Variants in TCF12 observed in about 807,000 individuals in gnomAD.
TCF12 encodes the protein DNA-binding protein HTF4.
A neutral mutation model predicts 86.0 loss-of-function variants in TCF12; 45 were observed. That is an observed-to-expected ratio of 0.52 (90% CI 0.41 to 0.67). The LOEUF (loss-of-function observed/expected upper bound fraction) is 0.67. Among genes scored for constraint, TCF12 ranks in the 30% least tolerant of loss-of-function variants. The probability of loss-of-function intolerance (pLI) is 0.00; values close to 1 mark genes in which losing one functional copy is unlikely to be tolerated. For missense variants in TCF12, 881 were observed against 859.9 expected (o/e 1.02, Z -0.31); for synonymous variants, 330 against 299.6 (o/e 1.10, Z -1.05).
At position 57,175,285 on chromosome 15, in the gene TCF12, G is replaced by A. The variant is rs560773674; in HGVS notation, c.390+8819G>A. 2.0e-5 allele frequency among the ~76,000 whole-genome samples: 3 copies of A among 152,248 alleles called. No homozygotes were observed. The South Asian group carries it at 6.2e-4, about 32-fold the overall frequency. The stretch of plus-strand genomic sequence containing the variant: ...ATTGAGGGGTATCACTTGAGCCCAG[G>A]AGTTTGAGGTTACAGTGAGCTGTGA... On this transcript the variant is annotated intron_variant, in intron 6 of 20. Transcript: ENST00000333725.
At chr15:56,941,702 T>A (rs1320152286) in intron 3 of TCF12, among the ~76,000 whole-genome samples, 7 of 151,418 alleles carry the variant, frequency 4.6e-5, no homozygotes, top group Non-Finnish European at 1.0e-4. Flanking sequence ...TTTTTTTTAT[T>A]AGGAATTGAG....
chr15:57,216,792 A>G (rs1339476702), intron 8 of TCF12, among the ~76,000 whole-genome samples: 1 of 152,106 alleles, frequency 6.6e-6, no homozygotes, highest in South Asian at 2.1e-4. Context: ...CATCTACATC[A>G]AACAGTTTTA....
At chr15:57,038,379 G>T (rs1472077235) in intron 3 of TCF12, among the ~76,000 whole-genome samples, 1 of 142,724 alleles carries the variant, frequency 7.0e-6, no homozygotes, top group Non-Finnish European at 1.5e-5. Flanking sequence ...AGTGAGCCAT[G>T]ACCATACCAC....
chr15:57,252,243 C>G (rs1436200868), intron 14 of TCF12, 178 bp from the exon 15 acceptor site: 2 of 535,386 alleles, frequency 3.7e-6, no homozygotes, highest in Middle Eastern at 2.9e-4. Context: ...TAGATGCTAA[C>G]CTTGTAACTT....
chr15:56,965,745 T>G (rs980251207), intron 3 of TCF12, among the ~76,000 whole-genome samples: 5 of 152,166 alleles, frequency 3.3e-5, no homozygotes, highest in Admixed American at 6.5e-5. Flanking sequence ...TTTAGGGATA[T>G]TCCCCATTTG....
chr15:56,923,722 T>G (rs1294857583), intron 3 of TCF12, among the ~76,000 whole-genome samples: 2 of 152,148 alleles, frequency 1.3e-5, no homozygotes, highest in African/African-American at 4.8e-5. Flanking sequence ...TTTGGGTTAG[T>G]TTTTAGTAGA....
intron 5 of TCF12, among the ~76,000 whole-genome samples, chr15:57,146,518 C>T (rs2053374938): frequency 6.6e-6 from 1 of 152,000 alleles, no homozygotes; most frequent in African/African-American, 2.4e-5. Flanking sequence ...AAAAAATATT[C>T]AAATTTATAT....
intron 4 of TCF12, among the ~76,000 whole-genome samples, chr15:57,069,745 C>T (rs559632167): frequency 1.3e-5 from 2 of 152,210 alleles, no homozygotes; most frequent in Admixed American, 1.3e-4. Context: ...TTAGTACTTC[C>T]CAACTCAAAG....
chr15:56,940,662 ATCCTTCTCCCTC>A (rs1310124306), intron 3 of TCF12, among the ~76,000 whole-genome samples: 21 of 68,360 alleles, frequency 3.1e-4, no homozygotes, highest in East Asian at 2.1e-3. Flanking sequence ...TCTCCTCCCT[ATCCTTCTCCCTC>A]TCCTTCTCCC....
chr15:57,196,740 A>G (rs2057284809), intron 7 of TCF12, among the ~76,000 whole-genome samples: 1 of 152,200 alleles, frequency 6.6e-6, no homozygotes, highest in Non-Finnish European at 1.5e-5. Flanking sequence ...AAAGAAATAT[A>G]CTTTCTCTGT....
chr15:57,209,932 CTT>C (rs2058031206), intron 8 of TCF12, among the ~76,000 whole-genome samples: 1 of 152,176 alleles, frequency 6.6e-6, no homozygotes, highest in South Asian at 2.1e-4. Context: ...ATGGAACACA[CTT>C]TCCCTCGTAT....
intron 5 of TCF12, among the ~76,000 whole-genome samples, chr15:57,146,470 T>A (rs1020127357): frequency 9.9e-5 from 15 of 152,216 alleles, no homozygotes; most frequent in African/African-American, 3.6e-4. Context: ...GGATTTTGTC[T>A]TAGGAGAGTT....
chr15:56,930,008 C>T (rs556590130), intron 3 of TCF12, among the ~76,000 whole-genome samples: 2 of 152,260 alleles, frequency 1.3e-5, no homozygotes, highest in Admixed American at 1.3e-4. Flanking sequence ...TGAGCTATTT[C>T]CAGGCTTTAA....
intron 8 of TCF12, among the ~76,000 whole-genome samples, chr15:57,203,859 C>CA (rs1209704062): frequency 6.6e-5 from 10 of 151,948 alleles, no homozygotes; most frequent in Admixed American, 1.3e-4. Context: ...CCTGTCACTG[C>CA]AAAAAAATTA....
rs1336691520 is a variant in TCF12 at position 57,288,901 on chromosome 15, C to G, written c.*2756C>G. 1 of 151,986 alleles carries G rather than the reference C, an allele frequency of 6.6e-6. No individual in the cohort carries two copies. The highest frequency in any genetic ancestry group is 2.4e-5 in the African/African-American group (1 of 41,372). The allele number at this position is 151,986 out of a possible 1,614,324, so 9.4% of individuals were successfully genotyped here. On this transcript the variant is annotated 3_prime_UTR_variant, in exon 21 of 21. Transcript: ENST00000333725. Reference sequence around the variant, plus strand: ...AAGCACTTTTCACATTTCCCCATACCCTTTCTCACAAAAAAAGTGTCATAA... The same window carrying G: ...AAGCACTTTTCACATTTCCCCATACGCTTTCTCACAAAAAAAGTGTCATAA...
chr15:57,040,789 G>A (rs2066847019), intron 3 of TCF12, among the ~76,000 whole-genome samples: 1 of 152,120 alleles, frequency 6.6e-6, no homozygotes, highest in Non-Finnish European at 1.5e-5. Context: ...GTGAAAAATT[G>A]CATTTAGGGT....
chr15:57,252,450 G>T lies in TCF12; in HGVS notation c.1218G>T (p.Glu406Asp), dbSNP rs142952705. Residue 406 changes from glutamate (E) to aspartate (D), a missense_variant, in exon 15 of 21, where the codon GAG becomes GAT. By Grantham distance (45) the Glu-to-Asp change is conservative. Coordinates refer to ENST00000333725, the MANE Select transcript of TCF12 (RefSeq NM_207037.2). The stretch of plus-strand genomic sequence containing the variant: ...ATCGAGTTGAGCAGCAACTTCACGA[G>T]CATTTGCAAGATGCAATGTCCTTCT... ...LKNRVEQQLH[E>D]HLQDAMSFLK... 1 of 1,613,920 alleles carries T rather than the reference G, an allele frequency of 6.2e-7. No homozygotes were observed. Among genetic ancestry groups the T allele is most frequent in the Admixed American group, 1.7e-5 (1 of 60,012 alleles).
chr15:57,122,289 A>G (rs907663022), intron 5 of TCF12, among the ~76,000 whole-genome samples: 27 of 152,020 alleles, frequency 1.8e-4, no homozygotes, highest in Non-Finnish European at 2.9e-5. Flanking sequence ...CAATCTTAGG[A>G]GAGATGCATG....
At chr15:57,049,252 C>T (rs1198053895) in intron 3 of TCF12, among the ~76,000 whole-genome samples, 5 of 152,160 alleles carry the variant, frequency 3.3e-5, no homozygotes, top group African/African-American at 1.2e-4. Context: ...TTTGTGCTTC[C>T]TTCAACTCAT....
Sources: gnomAD v4.1 joint callset for allele counts (sites outside exome capture counted in the v4.1 genomes callset) on GRCh38, gnomAD v4.1.1 for gene constraint, MANE v1.5 for transcripts, NCBI Gene and HGNC (gene_info 2026-07-23, HGNC 2026-07-21) for gene names.